The following CAMK2B variants were observed in gnomAD, a reference collection of about 807,000 sequenced individuals.
CAMK2B encodes calcium/calmodulin dependent protein kinase II beta, also known as calcium/calmodulin-dependent protein kinase type II subunit beta.
CAMK2B carries 27 observed loss-of-function variants against 93.7 expected under a neutral mutation model. The ratio of observed to expected loss-of-function variants is 0.29; its 90% CI spans 0.21 to 0.40. CAMK2B has a LOEUF of 0.40. CAMK2B is among the 10% of genes least tolerant of loss of function. The probability of loss-of-function intolerance (pLI) is 1.00; values close to 1 mark genes in which losing one functional copy is unlikely to be tolerated. For missense variants in CAMK2B, 568 were observed against 895.8 expected, an observed-to-expected ratio of 0.63 and a Z score of 4.67; for synonymous variants, 374 against 358.8, an observed-to-expected ratio of 1.04 and a Z score of -0.48.
At position 44,241,556 on chromosome 7, in the gene CAMK2B, A is replaced by C. The variant is rs954336427; in HGVS notation, c.903+144T>G. On this transcript the variant is annotated intron_variant, in intron 11 of 23. Transcript: ENST00000395749. ...AAGCTGGCCTGAGTTCACCTGATGCATCCAGTCTGGGACTTGCTAACAGTC... is the reference window on the plus strand; with the variant it reads ...AAGCTGGCCTGAGTTCACCTGATGCCTCCAGTCTGGGACTTGCTAACAGTC... 19 of 680,266 alleles carry C rather than the reference A, an allele frequency of 2.8e-5. No homozygotes were observed. In the African/African-American group the frequency reaches 3.1e-4, roughly 11 times the overall value. The allele number at this position is 680,266 out of a possible 1,614,324, so 42.1% of individuals were successfully genotyped here. A position where few individuals can be genotyped will look rare whatever the true frequency, so the allele number is the denominator to read the frequency against.
At position 44,325,482 on chromosome 7, in the gene CAMK2B, C is replaced by T. The variant is rs1797317645; in HGVS notation, c.-61G>A. On this transcript the variant is annotated 5_prime_UTR_variant, in exon 1 of 24. Transcript: ENST00000395749. Reference sequence around the variant, plus strand: ...CGCTCGGGCGGCGGCGACTCCGGCTCCCGCTCGCGGGCACGGCGGCGACAC... The same window carrying T: ...CGCTCGGGCGGCGGCGACTCCGGCTTCCGCTCGCGGGCACGGCGGCGACAC... 39 of 976,754 alleles carry T rather than the reference C, an allele frequency of 4.0e-5. No homozygotes were observed. The highest frequency in any genetic ancestry group is 4.6e-5 in the Non-Finnish European group (37 of 811,986). 60.5% of individuals were successfully genotyped at this position (976,754 alleles called of 1,614,324 possible).
chr7:44,257,819 T>G (rs1383095026), intron 4 of CAMK2B, among the ~76,000 whole-genome samples: 2 of 152,278 alleles, frequency 1.3e-5, no homozygotes, highest in African/African-American at 4.8e-5. Flanking sequence ...CAGGCCTACA[T>G]GTGCCATGGC....
At chr7:44,315,327 C>T (rs557893526) in intron 1 of CAMK2B, among the ~76,000 whole-genome samples, 1 of 152,246 alleles carries the variant, frequency 6.6e-6, no homozygotes, top group Non-Finnish European at 1.5e-5. Flanking sequence ...GTTGAATGGA[C>T]CGTTATTCTT....
At chr7:44,275,969 G>C (rs1473417018) in intron 2 of CAMK2B, among the ~76,000 whole-genome samples, 1 of 152,192 alleles carries the variant, frequency 6.6e-6, no homozygotes, top group Admixed American at 6.5e-5. Context: ...AATCCCTAGA[G>C]AGCAAACTTA....
In CAMK2B at chr7:44,296,089, A is replaced by G. The variant is rs533263868; in HGVS notation, c.66-11864T>C. ...AACTACAAGGCATATAAAAAGGCAG[A>G]AAAAAATAGTCTGAAGATACAGAGC... On this transcript the variant is annotated intron_variant, in intron 1 of 23. Coordinates refer to ENST00000395749, the MANE Select transcript of CAMK2B (RefSeq NM_001220.5). 7.1e-4 allele frequency among the ~76,000 whole-genome samples: 108 copies of G among 152,322 alleles called. 1 individual carries two copies. The highest frequency in any genetic ancestry group is 2.6e-3 in the African/African-American group (106 of 41,562).
At chr7:44,250,340 C>T (rs1236029398) in intron 5 of CAMK2B, among the ~76,000 whole-genome samples, 1 of 152,142 alleles carries the variant, frequency 6.6e-6, no homozygotes, top group African/African-American at 2.4e-5. Flanking sequence ...TAGGAAGGGC[C>T]GATCCCCTCT....
intron 1 of CAMK2B, among the ~76,000 whole-genome samples, chr7:44,322,250 C>T (rs972471055): frequency 5.3e-5 from 8 of 152,100 alleles, no homozygotes; most frequent in Non-Finnish European, 1.0e-4. Context: ...AAGAAAAACA[C>T]CCACACAAAA....
intron 2 of CAMK2B, among the ~76,000 whole-genome samples, chr7:44,274,832 C>T (rs1188857423): frequency 6.6e-6 from 1 of 152,152 alleles, no homozygotes; most frequent in Non-Finnish European, 1.5e-5. Flanking sequence ...GTGGGTTCAG[C>T]CATCTCCCCA....
At chr7:44,253,966 G>C (rs1340347923) in intron 5 of CAMK2B, among the ~76,000 whole-genome samples, 3 of 151,902 alleles carry the variant, frequency 2.0e-5, no homozygotes, top group Admixed American at 1.3e-4. Context: ...GAGCCCAGTG[G>C]GCAGGGAGTA....
At chr7:44,258,823 G>A in intron 4 of CAMK2B, 49 bp downstream of exon 4, 4 of 1,579,530 alleles carry the variant, frequency 2.5e-6, no homozygotes, top group Non-Finnish European at 3.5e-6. Flanking sequence ...CCCACCCTGA[G>A]CCAAGGCTGG....
intron 3 of CAMK2B, 26 bp downstream of exon 3, chr7:44,262,979 C>T (rs767141795): frequency 1.2e-6 from 2 of 1,605,222 alleles, no homozygotes; most frequent in South Asian, 2.2e-5. Context: ...GGGACCCATC[C>T]CCGCTCCCTA....
chr7:44,234,543 G>A (rs923457145), intron 14 of CAMK2B, 82 bp from the exon 15 acceptor site: 2 of 1,590,784 alleles, frequency 1.3e-6, no homozygotes, highest in African/African-American at 2.7e-5. Context: ...TCAGGGCATG[G>A]GGGGAGGGGG....
intron 17 of CAMK2B, chr7:44,229,761 T>G (rs149972243): frequency 5.1e-6 from 2 of 390,198 alleles, no homozygotes; most frequent in African/African-American, 2.1e-5. Context: ...CACAGGCCAG[T>G]GCAGGCTGGC....
chr7:44,228,839 C>T lies in CAMK2B; in HGVS notation c.1425G>A (p.Pro475=), dbSNP rs1183966144. ...CTAGGAGAGCCGGAGACAGGCAGGG[C>T]GGGGGCCCCGCTGAGAGGGGGCCCT... The part of the protein sequence containing the change: ...EAEGPLSAGP[P]PCLSPALLGP... The change falls in exon 19 of 24, where the codon CCG becomes CCA. Residue 475 remains proline, a synonymous_variant. Coordinates refer to ENST00000395749, the MANE Select transcript of CAMK2B (RefSeq NM_001220.5). 8.0e-6 allele frequency: 12 copies of T among 1,497,530 alleles called. No homozygotes were observed. The highest frequency in any genetic ancestry group is 2.8e-5 in the African/African-American group (2 of 71,062). 92.8% of individuals were successfully genotyped at this position (1,497,530 alleles called of 1,614,324 possible).
At chr7:44,282,930 G>C (rs953639081) in intron 2 of CAMK2B, among the ~76,000 whole-genome samples, 3 of 152,230 alleles carry the variant, frequency 2.0e-5, no homozygotes, top group Non-Finnish European at 4.4e-5. Context: ...AAGGCTGCTG[G>C]TGGTGCCCTG....
chr7:44,303,694 G>A (rs1790711615), intron 1 of CAMK2B, among the ~76,000 whole-genome samples: 1 of 152,194 alleles, frequency 6.6e-6, no homozygotes, highest in African/African-American at 2.4e-5. Context: ...GTTTGGTGAT[G>A]ATTTCTTAGA....
intron 1 of CAMK2B, among the ~76,000 whole-genome samples, chr7:44,290,882 T>TTGTAA (rs1334973387): frequency 6.6e-6 from 1 of 152,234 alleles, no homozygotes; most frequent in Non-Finnish European, 1.5e-5. Context: ...GTATTATTGT[T>TTGTAA]ACGTTTACAA....
intron 4 of CAMK2B, among the ~76,000 whole-genome samples, chr7:44,256,423 ATGTGTGCC>A (rs1000595083): frequency 2.0e-5 from 3 of 151,838 alleles, no homozygotes; most frequent in African/African-American, 7.3e-5. Flanking sequence ...ATTGTTTTGC[ATGTGTGCC>A]TGTGTGCATG....
intron 10 of CAMK2B, among the ~76,000 whole-genome samples, 164 bp downstream of exon 10, chr7:44,242,054 T>G (rs1197247916): frequency 3.9e-4 from 59 of 152,118 alleles, no homozygotes; most frequent in Non-Finnish European, 2.1e-4. Context: ...CTCACAAACG[T>G]GCTGGTATGT....
Sources: gnomAD v4.1 joint callset for allele counts (sites outside exome capture counted in the v4.1 genomes callset) on GRCh38, gnomAD v4.1.1 for gene constraint, MANE v1.5 for transcripts, NCBI Gene and HGNC (gene_info 2026-07-23, HGNC 2026-07-21) for gene names.